The following SCMH1 variants were observed in gnomAD, a reference collection of about 807,000 sequenced individuals.
The protein encoded by SCMH1 is Scm polycomb group protein homolog 1.
A neutral mutation model predicts 70.8 loss-of-function variants in SCMH1; 37 were observed. The ratio of observed to expected loss-of-function variants is 0.52; its 90% confidence interval spans 0.40 to 0.69. The LOEUF (loss-of-function observed/expected upper bound fraction) is 0.69, where lower values mean the gene tolerates loss of function less well. Ranked by LOEUF, SCMH1 falls within the 30% of genes least tolerant of loss-of-function variation. The pLI, the probability that SCMH1 is intolerant of heterozygous loss-of-function variation, is 0.00. For synonymous variants in SCMH1, 292 were observed against 307.4 expected, an observed-to-expected ratio of 0.95 and a Z score of 0.52; for missense variants, 607 against 827.3, an observed-to-expected ratio of 0.73 and a Z score of 3.27.
At chr1:41,142,348 G>T (rs1226685709) in intron 6 of SCMH1, among the ~76,000 whole-genome samples, 1 of 151,950 alleles carries the variant, frequency 6.6e-6, no homozygotes, top group East Asian at 1.9e-4. Context: ...AAGCTGGAGG[G>T]GAATCTGATC....
intron 5 of SCMH1, among the ~76,000 whole-genome samples, chr1:41,150,179 C>T (rs1287312364): frequency 1.3e-5 from 2 of 152,310 alleles, no homozygotes; most frequent in African/African-American, 2.4e-5. Context: ...TCAGAGATCA[C>T]TGTTTGGCTG....
intron 1 of SCMH1, among the ~76,000 whole-genome samples, chr1:41,222,674 C>T (rs1034185235): frequency 4.6e-5 from 7 of 152,206 alleles, no homozygotes; most frequent in East Asian, 3.9e-4. Flanking sequence ...TTGGGTATTA[C>T]GGTCCACCAA....
intron 7 of SCMH1, 143 bp downstream of exon 7, chr1:41,116,779 T>A (rs572215705): frequency 3.8e-6 from 2 of 527,210 alleles, no homozygotes; most frequent in African/African-American, 3.9e-5. Context: ...CTGGGGATAA[T>A]TGCTGCTTCA....
At chr1:41,029,245 C>T (rs1312631948) in intron 13 of SCMH1, among the ~76,000 whole-genome samples, 1 of 152,254 alleles carries the variant, frequency 6.6e-6, no homozygotes, top group Non-Finnish European at 1.5e-5. Flanking sequence ...GAGTCTCGCT[C>T]TGTCACCCAG....
intron 1 of SCMH1, among the ~76,000 whole-genome samples, chr1:41,202,333 CT>C (rs111943685): frequency 2.6e-3 from 373 of 144,688 alleles, no homozygotes; most frequent in Middle Eastern, 3.6e-3. Context: ...CGTGCCCAGC[CT>C]TTTTTTTTTT....
intron 1 of SCMH1, among the ~76,000 whole-genome samples, chr1:41,206,355 C>T (rs1655534550): frequency 1.3e-5 from 2 of 152,142 alleles, no homozygotes. Flanking sequence ...CCTTAAACGA[C>T]CTGATGGAGC....
intron 8 of SCMH1, among the ~76,000 whole-genome samples, chr1:41,099,529 G>A (rs1005311423): frequency 3.3e-5 from 5 of 152,150 alleles, no homozygotes; most frequent in Non-Finnish European, 7.3e-5. Flanking sequence ...CTCCTTTGAG[G>A]CATAGAGAAG....
chr1:41,028,389 C>T, intron 14 of SCMH1, 70 bp from the exon 16 acceptor site: 1 of 1,589,582 alleles, frequency 6.3e-7, no homozygotes, highest in Non-Finnish European at 8.6e-7. Flanking sequence ...CTGACCACCC[C>T]AGGTTCTGAT....
At chr1:41,135,055 T>C (rs961321686) in intron 6 of SCMH1, among the ~76,000 whole-genome samples, 1 of 152,204 alleles carries the variant, frequency 6.6e-6, no homozygotes, top group African/African-American at 2.4e-5. Context: ...TCTTGATGAA[T>C]TGTTGTTTTA....
rs1558656021 is a variant in SCMH1 at position 41,075,130 on chromosome 1, C to T, written c.978+89G>A. The T allele has an allele frequency of 6.3e-6, 8 of 1,273,638 alleles. No homozygotes were observed. The East Asian group carries it at 1.2e-4, about 19-fold the overall frequency. The allele number at this position is 1,273,638 out of a possible 1,614,324, so 78.9% of individuals were successfully genotyped here. ...GCCCGCCTCGGCCTCCCATTAAGTG[C>T]TGGGATTACAGGCGTGAGCCACGGC... On this transcript the variant is annotated intron_variant, in intron 9 of 14. Coordinates refer to ENST00000337495, the Ensembl canonical transcript of SCMH1.
chr1:41,223,415 C>T (rs1320896848), intron 1 of SCMH1, among the ~76,000 whole-genome samples: 4 of 152,126 alleles, frequency 2.6e-5, no homozygotes, highest in African/African-American at 9.7e-5. Context: ...ACTTTGGGTC[C>T]TCTCTGAGCC....
At chr1:41,066,518 G>C (rs1472289232) in intron 10 of SCMH1, among the ~76,000 whole-genome samples, 1 of 152,034 alleles carries the variant, frequency 6.6e-6, no homozygotes, top group Admixed American at 6.6e-5. Context: ...ATACTCTTTT[G>C]GTTTTTCTAA....
chr1:41,147,803 T>C (rs955690248), intron 5 of SCMH1, among the ~76,000 whole-genome samples: 4 of 152,142 alleles, frequency 2.6e-5, no homozygotes, highest in African/African-American at 9.7e-5. Flanking sequence ...AATATAGCCA[T>C]TTCAGCTTTA....
chr1:41,179,996 C>T (rs1489678079), intron 2 of SCMH1, among the ~76,000 whole-genome samples: 3 of 152,178 alleles, frequency 2.0e-5, no homozygotes, highest in African/African-American at 7.2e-5. Flanking sequence ...TCCAGCAGCA[C>T]ATCAAAAAGC....
At chr1:41,167,301 C>T (rs1646472121) in intron 2 of SCMH1, among the ~76,000 whole-genome samples, 1 of 152,032 alleles carries the variant, frequency 6.6e-6, no homozygotes, top group South Asian at 2.1e-4. Flanking sequence ...TTTCTTCTTA[C>T]CATTCAGATG....
At chr1:41,078,677 T>C (rs553117300) in intron 8 of SCMH1, among the ~76,000 whole-genome samples, 4 of 152,296 alleles carry the variant, frequency 2.6e-5, no homozygotes, top group African/African-American at 9.6e-5. Flanking sequence ...GATAGAATTA[T>C]ACACCCAGTG....
intron 2 of SCMH1, among the ~76,000 whole-genome samples, chr1:41,179,148 C>G (rs369531467): frequency 1.7e-4 from 26 of 151,964 alleles, no homozygotes; most frequent in Admixed American, 1.3e-4. Context: ...GGGTACATAA[C>G]GAAATGAAGG....
intron 2 of SCMH1, among the ~76,000 whole-genome samples, chr1:41,180,105 G>A (rs1350839249): frequency 3.9e-5 from 6 of 152,226 alleles, no homozygotes; most frequent in Admixed American, 6.5e-5. Context: ...CAGAACCAAC[G>A]ACAAAAACCA....
At chr1:41,118,634 A>G (rs1347084216) in intron 6 of SCMH1, among the ~76,000 whole-genome samples, 2 of 152,200 alleles carry the variant, frequency 1.3e-5, no homozygotes, top group African/African-American at 4.8e-5. Flanking sequence ...CCTATCCAAA[A>G]ATCTTCATTT....
Sources: allele counts gnomAD v4.1 joint callset (sites outside exome capture counted in the v4.1 genomes callset), GRCh38; gene constraint gnomAD v4.1.1; transcripts MANE v1.5; gene names NCBI Gene and HGNC (gene_info 2026-07-23, HGNC 2026-07-21).